The following OR56A3 variants were observed in gnomAD, a reference collection of about 807,000 sequenced individuals.
OR56A3 encodes the protein olfactory receptor family 56 subfamily A member 3.
OR56A3 carries 23 observed loss-of-function variants against 17.5 expected under a neutral mutation model. The observed-to-expected ratio is 1.32, with a 90% CI of 0.95 to 1.87. The LOEUF is 1.87. OR56A3 is among the 40% of genes most tolerant of loss of function. The pLI is 0.00. For missense variants in OR56A3, 366 were observed against 380.1 expected, an observed-to-expected ratio of 0.96 and a Z score of 0.31; for synonymous variants, 175 against 150.6, an observed-to-expected ratio of 1.16 and a Z score of -1.19.
the OR56A3 span, among the ~76,000 whole-genome samples, chr11:5,965,224 CA>C: frequency 6.6e-6 from 1 of 152,160 alleles, no homozygotes; most frequent in African/African-American, 2.4e-5. Context: ...TGTAAGTTAA[CA>C]GCATGTTTTA....
the OR56A3 span, among the ~76,000 whole-genome samples, chr11:5,962,862 C>G: frequency 6.6e-6 from 1 of 152,160 alleles, no homozygotes. Context: ...ACTTCTACTA[C>G]TATCTTTATT....
At chr11:5,965,231 T>C in the OR56A3 span, among the ~76,000 whole-genome samples, 1 of 152,204 alleles carries the variant, frequency 6.6e-6, no homozygotes, top group Admixed American at 6.5e-5. Flanking sequence ...TAACAGCATG[T>C]TTTAGGCTCT....
At chr11:5,966,758 G>T in the OR56A3 span, among the ~76,000 whole-genome samples, 195 of 152,228 alleles carry the variant, frequency 1.3e-3, 1 homozygote, top group African/African-American at 4.2e-3. Flanking sequence ...CGGTTTAACT[G>T]TATATCTAAG....
the OR56A3 span, among the ~76,000 whole-genome samples, chr11:6,005,473 A>G: frequency 1.3e-5 from 2 of 152,208 alleles, no homozygotes; most frequent in Admixed American, 1.3e-4. Flanking sequence ...CCTTGAGAGG[A>G]TCCTTAGAAG....
the OR56A3 span, among the ~76,000 whole-genome samples, chr11:6,003,416 C>T: frequency 6.6e-6 from 1 of 152,230 alleles, no homozygotes; most frequent in East Asian, 1.9e-4. Context: ...CAATGATTTT[C>T]ATTCATTCAT....
At chr11:6,002,379 G>C in the OR56A3 span, 2 of 1,614,044 alleles carry the variant, frequency 1.2e-6, no homozygotes, top group African/African-American at 2.7e-5. Context: ...AGTCCAGCCT[G>C]CCACAAACTG....
chr11:5,962,693 C>T, the OR56A3 span, among the ~76,000 whole-genome samples: 1 of 151,980 alleles, frequency 6.6e-6, no homozygotes, highest in Non-Finnish European at 1.5e-5. Flanking sequence ...CGCCTGCCAC[C>T]GCGCCCGGCT....
At chr11:5,965,962 T>G in the OR56A3 span, among the ~76,000 whole-genome samples, 1 of 152,104 alleles carries the variant, frequency 6.6e-6, no homozygotes, top group Non-Finnish European at 1.5e-5. Flanking sequence ...ACCTGCATGA[T>G]AGGTAAACAG....
chr11:5,950,667 T>A lies in OR56A3; in HGVS notation c.*2373T>A, dbSNP rs1847902505. On this transcript the variant is annotated 3_prime_UTR_variant, in exon 3 of 3. Transcript: ENST00000641160. ...ATAAGATATTTTATTTAGTCCAACATATCCAAAATATTATCATTTCAACAC... is the reference window on the plus strand; with the variant it reads ...ATAAGATATTTTATTTAGTCCAACAAATCCAAAATATTATCATTTCAACAC... 6.6e-6 allele frequency: 1 copy of A among 152,162 alleles called. No individual in the cohort carries two copies. Among genetic ancestry groups the A allele is most frequent in the African/African-American group, 2.4e-5 (1 of 41,456 alleles). The allele number at this position is 152,162 out of a possible 1,614,324, so 9.4% of individuals were successfully genotyped here.
At chr11:5,956,666 C>G in the OR56A3 span, among the ~76,000 whole-genome samples, 2 of 152,286 alleles carry the variant, frequency 1.3e-5, no homozygotes, top group Non-Finnish European at 2.9e-5. Context: ...GCTTTATGCT[C>G]ATGTTTGGAG....
the OR56A3 span, among the ~76,000 whole-genome samples, chr11:5,992,214 G>A: frequency 7.2e-5 from 11 of 152,228 alleles, no homozygotes; most frequent in African/African-American, 2.2e-4. Flanking sequence ...TAGGAGTGTC[G>A]CCTGCTGGAA....
chr11:5,982,594 C>T, the OR56A3 span, among the ~76,000 whole-genome samples: 2 of 152,122 alleles, frequency 1.3e-5, no homozygotes, highest in Non-Finnish European at 2.9e-5. Context: ...CAAGATATCC[C>T]TGTTCTCTAC....
At chr11:5,990,340 TG>T in the OR56A3 span, among the ~76,000 whole-genome samples, 1 of 152,206 alleles carries the variant, frequency 6.6e-6, no homozygotes, top group Non-Finnish European at 1.5e-5. Context: ...TAGCAAACAG[TG>T]GCGTGTCTTT....
the OR56A3 span, among the ~76,000 whole-genome samples, chr11:5,959,486 G>C: frequency 1.3e-5 from 2 of 151,918 alleles, no homozygotes; most frequent in Admixed American, 1.3e-4. Context: ...CAGATATTTT[G>C]CCTGTTTTTT....
intron 2 of OR56A3, among the ~76,000 whole-genome samples, chr11:5,946,195 T>C (rs1847868509): frequency 6.6e-6 from 1 of 152,220 alleles, no homozygotes; most frequent in African/African-American, 2.4e-5. Flanking sequence ...TATAATGATA[T>C]TTTTCCAGCC....
At chr11:5,960,988 G>A in the OR56A3 span, among the ~76,000 whole-genome samples, 10 of 150,852 alleles carry the variant, frequency 6.6e-5, no homozygotes, top group South Asian at 6.3e-4. Flanking sequence ...GTCTCTGACC[G>A]GCCGCCCCAT....
At chr11:6,007,053 C>T in the OR56A3 span, 1 of 152,172 alleles carries the variant, frequency 6.6e-6, no homozygotes, top group African/African-American at 2.4e-5. Flanking sequence ...TATTAGGCAC[C>T]TGGATCCTGG....
At chr11:5,967,962 T>TTGA in the OR56A3 span, 1 of 1,593,842 alleles carries the variant, frequency 6.3e-7, no homozygotes, top group African/African-American at 1.3e-5. Flanking sequence ...GATGCAGTTC[T>TTGA]TGATGATGTG....
chr11:5,977,599 G>A, the OR56A3 span, among the ~76,000 whole-genome samples: 1 of 152,100 alleles, frequency 6.6e-6, no homozygotes, highest in Admixed American at 6.6e-5. Flanking sequence ...GTTTCTTATG[G>A]ATTCTTGATA....
Sources: allele counts gnomAD v4.1 joint callset (sites outside exome capture counted in the v4.1 genomes callset), GRCh38; gene constraint gnomAD v4.1.1; transcripts MANE v1.5; gene names NCBI Gene and HGNC (gene_info 2026-07-23, HGNC 2026-07-21).